Variants in HDAC9 observed in about 807,000 individuals in gnomAD.
HDAC9 encodes histone deacetylase 9.
A neutral mutation model predicts 139.4 loss-of-function variants in HDAC9; 41 were observed. The observed-to-expected ratio is 0.29, with a 90% CI of 0.23 to 0.38. HDAC9 has a LOEUF of 0.38. HDAC9 is among the 10% of genes least tolerant of loss of function. The probability of loss-of-function intolerance (pLI) is 1.00; values close to 1 mark genes in which losing one functional copy is unlikely to be tolerated. For synonymous variants in HDAC9, 517 were observed against 476.2 expected (o/e 1.09, Z -1.12); for missense variants, 1,147 against 1,297.0 (o/e 0.88, Z 1.78).
At chr7:18,107,795 C>G (rs944954470) in intron 1 of HDAC9, among the ~76,000 whole-genome samples, 1 of 152,186 alleles carries the variant, frequency 6.6e-6, no homozygotes, top group African/African-American at 2.4e-5. Context: ...TTTGGACTTG[C>G]TCATTATGCA....
At chr7:18,965,868 T>A (rs1783810944) in intron 24 of HDAC9, among the ~76,000 whole-genome samples, 1 of 152,180 alleles carries the variant, frequency 6.6e-6, no homozygotes, top group Admixed American at 6.5e-5. Context: ...TGAGGTTGTG[T>A]GCACTCAATT....
chr7:18,237,802 C>T lies in HDAC9; in HGVS notation c.25+75453C>T, dbSNP rs302134. 5.5e-3 allele frequency among the ~76,000 whole-genome samples: 840 copies of T among 152,126 alleles called. 8 individuals carry two copies. Among genetic ancestry groups the T allele is most frequent in the African/African-American group, 0.019 (805 of 41,466 alleles). ...AACAGTTAAGGATTTGAGATAAGGC[C>T]CAGGAGAAAGGTGTGGGCTGCATAT... On this transcript the variant is annotated intron_variant, in intron 2 of 12. Coordinates refer to the HDAC9 transcript ENST00000417496.
At chr7:18,311,860 T>C (rs1467338888) in intron 1 of HDAC9, among the ~76,000 whole-genome samples, 2 of 152,226 alleles carry the variant, frequency 1.3e-5, no homozygotes, top group African/African-American at 4.8e-5. Flanking sequence ...CATCCTTTTA[T>C]TTAGGATGTG....
intron 1 of HDAC9, among the ~76,000 whole-genome samples, chr7:18,392,302 C>CTG (rs1786572014): frequency 7.4e-6 from 1 of 135,202 alleles, no homozygotes; most frequent in South Asian, 2.2e-4. Flanking sequence ...CTCTCTCTCT[C>CTG]TCTCTCTCTC....
chr7:18,209,707 C>CT (rs570706146), intron 2 of HDAC9, among the ~76,000 whole-genome samples: 6,632 of 145,630 alleles, frequency 0.046, 426 homozygotes, highest in African/African-American at 0.15. Flanking sequence ...GTACTTTTTT[C>CT]TTTTTTTTTT....
At chr7:18,751,303 A>G (rs1788425682) in intron 14 of HDAC9, among the ~76,000 whole-genome samples, 1 of 152,126 alleles carries the variant, frequency 6.6e-6, no homozygotes, top group African/African-American at 2.4e-5. Flanking sequence ...TAATCACAAA[A>G]TTAACAAATA....
At chr7:18,222,794 G>A (rs1792795017) in intron 2 of HDAC9, among the ~76,000 whole-genome samples, 1 of 152,026 alleles carries the variant, frequency 6.6e-6, no homozygotes. Context: ...TTCTTAGATT[G>A]TTGGTTTGTT....
intron 1 of HDAC9, among the ~76,000 whole-genome samples, chr7:18,131,906 T>C (rs533547223): frequency 6.6e-6 from 1 of 152,314 alleles, no homozygotes; most frequent in East Asian, 1.9e-4. Context: ...TTAAGACACC[T>C]TCTTCCCCAA....
chr7:18,567,365 TTTG>T (rs1408723480), intron 2 of HDAC9, among the ~76,000 whole-genome samples: 2 of 152,214 alleles, frequency 1.3e-5, no homozygotes, highest in Non-Finnish European at 2.9e-5. Flanking sequence ...AATTGCACTG[TTTG>T]TTGTTCTCTC....
intron 23 of HDAC9, among the ~76,000 whole-genome samples, chr7:18,952,725 C>A (rs746190892): frequency 5.3e-5 from 8 of 151,256 alleles, no homozygotes; most frequent in Non-Finnish European, 1.0e-4. Context: ...CTTGAAGATA[C>A]AATTTGAAAT....
intron 2 of HDAC9, among the ~76,000 whole-genome samples, chr7:18,533,830 T>C (rs1459039627): frequency 1.3e-5 from 2 of 152,214 alleles, no homozygotes; most frequent in African/African-American, 2.4e-5. Flanking sequence ...TAGAGTCTAA[T>C]TGTATTTTCT....
chr7:18,630,332 A>T (rs549319953), intron 7 of HDAC9, among the ~76,000 whole-genome samples: 1 of 152,116 alleles, frequency 6.6e-6, no homozygotes, highest in East Asian at 1.9e-4. Context: ...GCTTATACCA[A>T]TGTGGGCAGT....
At chr7:18,484,811 C>T (rs7458420) in intron 1 of HDAC9, among the ~76,000 whole-genome samples, 3 of 150,942 alleles carry the variant, frequency 2.0e-5, no homozygotes, top group African/African-American at 7.3e-5. Context: ...TATGATTATG[C>T]TATTGCATGG....
chr7:18,984,477 G>A (rs1313764060), intron 25 of HDAC9, among the ~76,000 whole-genome samples: 2 of 151,950 alleles, frequency 1.3e-5, no homozygotes, highest in Admixed American at 1.3e-4. Flanking sequence ...AGATAACTTA[G>A]GTCTATACAT....
At chr7:18,878,876 T>G (rs7811828) in intron 22 of HDAC9, among the ~76,000 whole-genome samples, 6,150 of 152,252 alleles carry the variant, frequency 0.04, 299 homozygotes, top group African/African-American at 0.11. Flanking sequence ...AAACTCCCTG[T>G]TTGCAGACAA....
chr7:18,870,872 T>C (rs1479746937), intron 21 of HDAC9, among the ~76,000 whole-genome samples: 1 of 152,098 alleles, frequency 6.6e-6, no homozygotes, highest in African/African-American at 2.4e-5. Context: ...CTCTCTGTGT[T>C]ACCCAGGGTG....
At chr7:18,441,815 C>T (rs1391801132) in intron 1 of HDAC9, among the ~76,000 whole-genome samples, 1 of 152,186 alleles carries the variant, frequency 6.6e-6, no homozygotes. Flanking sequence ...GTCGCTCAGG[C>T]TGGAGTGCAT....
intron 24 of HDAC9, among the ~76,000 whole-genome samples, chr7:18,967,660 C>T (rs1300077919): frequency 2.0e-5 from 3 of 152,060 alleles, no homozygotes; most frequent in Non-Finnish European, 2.9e-5. Context: ...CTTAGCATTA[C>T]GTATGGAGCA....
At chr7:18,849,903 G>T (rs1222888875) in intron 21 of HDAC9, among the ~76,000 whole-genome samples, 1 of 152,028 alleles carries the variant, frequency 6.6e-6, no homozygotes, top group Non-Finnish European at 1.5e-5. Context: ...GATAACATTT[G>T]TAGATGTACA....
Sources: gnomAD v4.1 joint callset for allele counts (sites outside exome capture counted in the v4.1 genomes callset) on GRCh38, gnomAD v4.1.1 for gene constraint, MANE v1.5 for transcripts, NCBI Gene and HGNC (gene_info 2026-07-23, HGNC 2026-07-21) for gene names.